Variants in EYS observed in about 807,000 individuals in gnomAD.
EYS encodes protein eyes shut homolog.
A neutral mutation model predicts 282.1 loss-of-function variants in EYS; 250 were observed. The ratio of observed to expected loss-of-function variants is 0.89; its 90% CI spans 0.80 to 0.98. The LOEUF (loss-of-function observed/expected upper bound fraction) is 0.98. EYS is among the 50% of genes least tolerant of loss of function. The pLI is 0.00. For synonymous variants in EYS, 1,355 were observed against 1,282.9 expected, an observed-to-expected ratio of 1.06 and a Z score of -1.20; for missense variants, 4,016 against 3,709.0, an observed-to-expected ratio of 1.08 and a Z score of -2.15.
chr6:65,206,560 T>G (rs925605739), intron 12 of EYS, among the ~76,000 whole-genome samples: 11 of 151,654 alleles, frequency 7.3e-5, no homozygotes, highest in Admixed American at 7.2e-4. Flanking sequence ...AATACTAAAA[T>G]CATGCAATGA....
chr6:63,905,638 G>A (rs1431141350), intron 35 of EYS, among the ~76,000 whole-genome samples: 1 of 152,038 alleles, frequency 6.6e-6, no homozygotes, highest in Non-Finnish European at 1.5e-5. Flanking sequence ...CCAAATAAGG[G>A]GATTTCAGGA....
intron 30 of EYS, among the ~76,000 whole-genome samples, chr6:64,272,975 C>T (rs1314988569): frequency 6.6e-6 from 1 of 152,038 alleles, no homozygotes; most frequent in African/African-American, 2.4e-5. Flanking sequence ...TATTCATTCC[C>T]TTAATGTTTT....
chr6:64,964,116 C>A (rs538452129), intron 14 of EYS, among the ~76,000 whole-genome samples: 1 of 151,828 alleles, frequency 6.6e-6, no homozygotes, highest in African/African-American at 2.4e-5. Flanking sequence ...TTTTAATAAA[C>A]ACACACTTCT....
At chr6:63,977,984 A>G (rs577394236) in intron 35 of EYS, among the ~76,000 whole-genome samples, 22 of 152,126 alleles carry the variant, frequency 1.4e-4, no homozygotes, top group African/African-American at 3.4e-4. Context: ...GAAGTTTTTA[A>G]TTGGTGTAGT....
At chr6:64,338,348 G>T (rs1367595712) in intron 29 of EYS, among the ~76,000 whole-genome samples, 2 of 151,090 alleles carry the variant, frequency 1.3e-5, no homozygotes, top group Admixed American at 6.6e-5. Context: ...ACCAAGCAAA[G>T]AATCAAATCA....
intron 30 of EYS, among the ~76,000 whole-genome samples, chr6:64,258,450 T>C (rs1767477075): frequency 6.6e-6 from 1 of 152,044 alleles, no homozygotes. Flanking sequence ...GGAAGGACTT[T>C]GTGCTATAGC....
intron 26 of EYS, among the ~76,000 whole-genome samples, chr6:64,557,609 C>T (rs1257496175): frequency 2.0e-5 from 3 of 151,706 alleles, no homozygotes; most frequent in African/African-American, 7.3e-5. Flanking sequence ...TTATAATCAC[C>T]TTCATAAAAT....
chr6:64,949,470 C>T (rs1769405822), intron 14 of EYS, among the ~76,000 whole-genome samples: 1 of 151,892 alleles, frequency 6.6e-6, no homozygotes, highest in Non-Finnish European at 1.5e-5. Flanking sequence ...CTCCTCCTCT[C>T]ACAGCATGCC....
intron 30 of EYS, among the ~76,000 whole-genome samples, chr6:64,256,231 C>T (rs2150350707): frequency 6.6e-6 from 1 of 152,076 alleles, no homozygotes; most frequent in Admixed American, 6.6e-5. Flanking sequence ...CACTACATAG[C>T]TCTTTTTTCC....
At chr6:64,471,066 G>C (rs1290447724) in intron 26 of EYS, among the ~76,000 whole-genome samples, 1 of 152,080 alleles carries the variant, frequency 6.6e-6, no homozygotes, top group Non-Finnish European at 1.5e-5. Flanking sequence ...GACAAAGGGA[G>C]AACTGTATAA....
In EYS at chr6:63,788,144, G is replaced by A; in HGVS notation, c.7684C>T (p.Leu2562Phe). ...VGGYSEYTPD[L>F]LPNGADFKNG... ...TTAAAATCTGCTCCATTTGGTAAGA[G>A]ATCTGGAGTGTATTCACTGTAGCCA... Residue 2562 changes from leucine to phenylalanine, a missense_variant, in exon 39 of 43, where the codon CTC becomes TTC. Leu to Phe is a conservative substitution (Grantham distance 22, BLOSUM62 0). Transcript: ENST00000503581. 1 of 1,548,490 alleles carries A rather than the reference G, an allele frequency of 6.5e-7. No individual in the cohort carries two copies. The highest frequency in any genetic ancestry group is 1.2e-5 in the South Asian group (1 of 82,900).
Position 64,095,004 on chromosome 6 carries a change from A to T in EYS, c.6425-13002T>A, listed in dbSNP as rs988996915. On this transcript the variant is annotated intron_variant, in intron 31 of 42. Coordinates refer to ENST00000503581, the MANE Select transcript of EYS (RefSeq NM_001142800.2). ...ACATCTTTATTTCTGCCTTCATTTC[A>T]TTATGTACCCAGTAGTCATTCAGGA... Among the ~76,000 whole-genome samples, 10 of 151,962 alleles carry T rather than the reference A, an allele frequency of 6.6e-5. No homozygotes were observed. In the South Asian group the frequency reaches 8.3e-4, roughly 13 times the overall value.
At chr6:64,909,239 C>T (rs1282572191) in intron 16 of EYS, among the ~76,000 whole-genome samples, 1 of 151,978 alleles carries the variant, frequency 6.6e-6, no homozygotes, top group East Asian at 1.9e-4. Context: ...TTCTAGAACA[C>T]TAACAACAAG....
intron 22 of EYS, among the ~76,000 whole-genome samples, chr6:64,753,013 A>G (rs1255374453): frequency 6.6e-6 from 1 of 152,180 alleles, no homozygotes; most frequent in African/African-American, 2.4e-5. Flanking sequence ...GGCTTAATAC[A>G]TGAAGGAGAA....
At chr6:63,943,419 GAC>G (rs1765301170) in intron 35 of EYS, among the ~76,000 whole-genome samples, 1 of 152,146 alleles carries the variant, frequency 6.6e-6, no homozygotes, top group South Asian at 2.1e-4. Flanking sequence ...AAAGTTTACA[GAC>G]TCAGAAAATA....
At chr6:65,691,911 G>A (rs1457915374) in intron 1 of EYS, among the ~76,000 whole-genome samples, 2 of 149,898 alleles carry the variant, frequency 1.3e-5, no homozygotes, top group Non-Finnish European at 3.0e-5. Flanking sequence ...GTGTTTCTGA[G>A]GCCTCCGTTA....
At chr6:65,381,524 C>T (rs1171358406) in intron 8 of EYS, among the ~76,000 whole-genome samples, 1 of 151,530 alleles carries the variant, frequency 6.6e-6, no homozygotes, top group Admixed American at 6.6e-5. Context: ...GCATGTGGGG[C>T]TTAAAACCTG....
rs138319021 is a variant in EYS at position 65,552,539 on chromosome 6, A to G, written c.-332-56546T>C. ...TGCACAAACTACCAATTCAGTAGGTACCATTTGAAGACCTGCTGAATTTCT... is the reference window on the plus strand; with the variant it reads ...TGCACAAACTACCAATTCAGTAGGTGCCATTTGAAGACCTGCTGAATTTCT... On this transcript the variant is annotated intron_variant, in intron 2 of 42. Coordinates refer to ENST00000503581, the MANE Select transcript of EYS (RefSeq NM_001142800.2). Among the ~76,000 whole-genome samples the G allele has an allele frequency of 4.5e-3, 692 of 152,240 alleles. 6 individuals are homozygous for G. Among genetic ancestry groups the G allele is most frequent in the African/African-American group, 0.015 (635 of 41,564 alleles).
chr6:65,495,175 G>A lies in EYS; in HGVS notation c.236C>T (p.Pro79Leu). 1 of 1,614,006 alleles carries A rather than the reference G, an allele frequency of 6.2e-7. No individual in the cohort carries two copies. The highest frequency in any genetic ancestry group is 8.5e-7 in the Non-Finnish European group (1 of 1,179,936). Residue 79 changes from proline to leucine, a missense_variant, in exon 4 of 43, where the codon CCT becomes CTT. Physicochemically the swap from Pro to Leu is moderately conservative, Grantham distance 98. Coordinates refer to ENST00000503581, the MANE Select transcript of EYS (RefSeq NM_001142800.2). ...SGNQAVPQIC[P>L]LQIQLGDILV... ...GATATCTCCTAATTGAATTTGCAAAGGGCAAATCTGGGGAACAGCTTGATT... is the reference window on the plus strand; with the variant it reads ...GATATCTCCTAATTGAATTTGCAAAAGGCAAATCTGGGGAACAGCTTGATT...
Sources: allele counts gnomAD v4.1 joint callset (sites outside exome capture counted in the v4.1 genomes callset), GRCh38; gene constraint gnomAD v4.1.1; transcripts MANE v1.5; gene names NCBI Gene and HGNC (gene_info 2026-07-23, HGNC 2026-07-21).